SLC35A2: variants seen among roughly 807,000 people sequenced by gnomAD.
SLC35A2 encodes solute carrier family 35 member A2.
SLC35A2 carries 1 observed loss-of-function variant against 17.3 expected under a neutral mutation model. That is an observed-to-expected ratio of 0.06 (90% CI 0.02 to 0.27). The LOEUF (loss-of-function observed/expected upper bound fraction) is 0.27, where lower values mean the gene tolerates loss of function less well. Ranked by LOEUF, SLC35A2 falls within the 10% of genes least tolerant of loss-of-function variation. SLC35A2 has a pLI of 1.00. For missense variants in SLC35A2, 191 were observed against 339.3 expected (o/e 0.56, Z 3.43); for synonymous variants, 161 against 161.3 (o/e 1.00, Z 0.01).
At chrX:48,911,857 A>G (rs1557044208), upstream of SLC35A2, 4 of 1,166,843 alleles carry the variant, frequency 3.4e-6, no homozygotes, top group Non-Finnish European at 2.3e-6. Context: ...CGGCCTACCC[A>G]CCATCCCTAC....
At chrX:48,910,184 C>T (rs781925233) in intron 1 of SLC35A2, 188 bp from the exon 2 acceptor site, 5 of 975,438 alleles carry the variant, frequency 5.1e-6, no homozygotes, top group African/African-American at 1.9e-5. Flanking sequence ...CAGCCATGAG[C>T]AGGAAGAGCC....
intron 1 of SLC35A2, 47 bp from the exon 2 acceptor site, chrX:48,910,043 G>A (rs782096301): frequency 1.7e-5 from 18 of 1,084,456 alleles, no homozygotes; most frequent in South Asian, 7.9e-5. Context: ...GTCAGAAGCC[G>A]CTGGGGCATA....
chrX:48,910,703 C>T (rs1298627658), intron 1 of SLC35A2, among the ~76,000 whole-genome samples: 2 of 110,947 alleles, frequency 1.8e-5, no homozygotes, highest in Non-Finnish European at 3.8e-5. Context: ...CAACCCCTCA[C>T]TCCTGTGACA....
chrX:48,911,734 G>A (rs1161352352), upstream of SLC35A2: 1 of 1,156,049 alleles, frequency 8.7e-7, no homozygotes, highest in African/African-American at 1.8e-5. Context: ...TGGAGCGAGA[G>A]CCGGGATCGT....
intron 1 of SLC35A2, among the ~76,000 whole-genome samples, chrX:48,910,586 C>T (rs2063525651): frequency 9.0e-6 from 1 of 111,192 alleles, no homozygotes; most frequent in Admixed American, 9.5e-5. Flanking sequence ...ATGTTCACCC[C>T]CTAAGAACGG....
intron 4 of SLC35A2, chrX:48,904,289 C>T: frequency 1.7e-5 from 17 of 979,437 alleles, no homozygotes; most frequent in Non-Finnish European, 2.2e-5. Context: ...AACTGAACCC[C>T]ACAGGTAGGC....
Position 48,905,209 on chromosome X carries a change from G to A in SLC35A2, c.700C>T (p.Arg234Cys), listed in dbSNP as rs2063481027. The A allele has an allele frequency of 1.4e-5, 17 of 1,208,290 alleles. No individual in the cohort carries two copies. The highest frequency in any genetic ancestry group is 1.8e-5 in the Non-Finnish European group (16 of 893,987). The change falls in exon 4 of 5, where the codon CGC becomes TGC. Residue 234 changes from arginine to cysteine, a missense_variant. Around this residue, in one of 2 missense-constraint regions of SLC35A2, gnomAD observed 164 missense variants for 315.3 expected, o/e 0.52. Coordinates refer to ENST00000247138, the MANE Select transcript of SLC35A2 (RefSeq NM_005660.3). ...CCGAAGAGGCCCAGTTGCAGGTTGC[G>A]CAGCCACACGGAGCCTGAGCTGCCT... is the stretch of plus-strand genomic sequence containing the variant. ...LKGSSGSVWLRNLQLGLFGTA... is the reference protein window; with the variant it reads ...LKGSSGSVWLCNLQLGLFGTA...
chrX:48,908,096 G>A (rs1207357455), intron 2 of SLC35A2, among the ~76,000 whole-genome samples: 2 of 102,262 alleles, frequency 2.0e-5, no homozygotes, highest in Admixed American at 1.1e-4. Context: ...CCCACTTTTT[G>A]GCAGTTCATC....
chrX:48,910,366 G>A, intron 1 of SLC35A2: 1 of 896,227 alleles, frequency 1.1e-6, no homozygotes, highest in Non-Finnish European at 1.5e-6. Flanking sequence ...TTTATTGAGT[G>A]TTTACTGTAT....
intron 1 of SLC35A2, chrX:48,910,244 T>TACTGAGGTGTCAGGTAATG: frequency 8.7e-7 from 1 of 1,146,182 alleles, no homozygotes; most frequent in Non-Finnish European, 1.2e-6. Flanking sequence ...CTGGAATCCT[T>TACTGAGGTGTCAGGTAATG]ACTGAGGTGT....
chrX:48,907,694 A>G (rs2063501109), intron 2 of SLC35A2, among the ~76,000 whole-genome samples: 1 of 112,220 alleles, frequency 8.9e-6, no homozygotes, highest in Non-Finnish European at 1.9e-5. Flanking sequence ...TTGACCATTA[A>G]GCAGAAGTCC....
chrX:48,911,100 C>A, intron 1 of SLC35A2, among the ~76,000 whole-genome samples: 1 of 110,832 alleles, frequency 9.0e-6, no homozygotes, highest in Non-Finnish European at 1.9e-5. Flanking sequence ...ACACCCCCAT[C>A]CTCAAAATGG....
intron 4 of SLC35A2, chrX:48,904,426 AGACAAAAAAAAGGCCTTGAAT>A (rs1264831489): frequency 2.1e-5 from 23 of 1,089,386 alleles, no homozygotes; most frequent in Non-Finnish European, 2.7e-5. Context: ...GGGAGGGAGC[AGACAAAAAAAAGGCCTTGAAT>A]GACAATACCC....
upstream of SLC35A2, chrX:48,911,671 GA>G (rs1224725818): frequency 1.7e-6 from 2 of 1,154,658 alleles, no homozygotes; most frequent in African/African-American, 1.8e-5. Flanking sequence ...CTCGGCAACA[GA>G]AAAACCACTT....
chrX:48,911,424 A>G, intron 1 of SLC35A2, 122 bp downstream of exon 1: 2 of 864,963 alleles, frequency 2.3e-6, no homozygotes, highest in Non-Finnish European at 3.3e-6. Context: ...ATGTGCACAC[A>G]CACACACACA....
Position 48,911,607 on chromosome X carries a change from G to C in SLC35A2, c.30C>G (p.Thr10=), listed in dbSNP as rs373480204. ...AAACCGCCCCTGGCCCGGGCGCCGCGGTGGAACCACCAGCCCCAACCGCTG... is the reference window on the plus strand; with the variant it reads ...AAACCGCCCCTGGCCCGGGCGCCGCCGTGGAACCACCAGCCCCAACCGCTG... MAAVGAGGS[T]AAPGPGAVSA... is the part of the protein sequence containing the mutation. The change falls in exon 1 of 5, where the codon ACC becomes ACG. Residue 10 remains threonine, a synonymous_variant. Transcript: ENST00000247138. 534 of 1,163,447 alleles carry C rather than the reference G, an allele frequency of 4.6e-4. 1 individual carries two copies. Among genetic ancestry groups the C allele is most frequent in the Non-Finnish European group, 5.8e-4 (509 of 874,652 alleles).
At chrX:48,910,089 A>G (rs889001865) in intron 1 of SLC35A2, 93 bp from the exon 2 acceptor site, 1 of 932,890 alleles carries the variant, frequency 1.1e-6, no homozygotes, top group African/African-American at 1.9e-5. Context: ...TTTCTCACCC[A>G]GGACCCTCCT....
chrX:48,911,943 C>T (rs2063540075), upstream of SLC35A2: 2 of 1,166,725 alleles, frequency 1.7e-6, no homozygotes, highest in African/African-American at 1.8e-5. Flanking sequence ...TCGCGCTTTC[C>T]AGATCATCCC....
chrX:48,911,483 T>C (rs1557044020), intron 1 of SLC35A2, 63 bp downstream of exon 1: 12 of 1,142,754 alleles, frequency 1.1e-5, no homozygotes, highest in Middle Eastern at 4.9e-4. Flanking sequence ...GTGAGGAACA[T>C]TCCCGACTCC....
Sources: gnomAD v4.1 joint callset for allele counts (sites outside exome capture counted in the v4.1 genomes callset) on GRCh38, gnomAD v4.1.1 for gene constraint, gnomAD v4.1.1 regional missense constraint, MANE v1.5 for transcripts, NCBI Gene and HGNC (gene_info 2026-07-23, HGNC 2026-07-21) for gene names.